TRPM3: variants seen among roughly 807,000 people sequenced by gnomAD.
TRPM3 encodes the protein transient receptor potential cation channel subfamily M member 3, also known as long transient receptor potential channel 3.
TRPM3 carries 77 observed loss-of-function variants against 181.2 expected under a neutral mutation model. The ratio of observed to expected loss-of-function variants is 0.42; its 90% CI spans 0.35 to 0.51. The LOEUF is 0.51. TRPM3 is among the 20% of genes least tolerant of loss of function. The pLI is 0.01. For synonymous variants in TRPM3, 745 were observed against 796.4 expected (o/e 0.94, Z 1.09); for missense variants, 1,759 against 2,196.7 (o/e 0.80, Z 3.98).
intron 1 of TRPM3, among the ~76,000 whole-genome samples, chr9:71,135,877 ATTAT>A (rs1277561413): frequency 6.6e-6 from 1 of 152,214 alleles, no homozygotes; most frequent in East Asian, 1.9e-4. Context: ...AAATACAAAC[ATTAT>A]TTATTGTTTG....
Position 71,299,978 on chromosome 9 carries a change from A to G in TRPM3, c.183+146675T>C, listed in dbSNP as rs563055609. Among the ~76,000 whole-genome samples the G allele has an allele frequency of 7.9e-5, 12 of 152,244 alleles. No individual in the cohort carries two copies. In the South Asian group the frequency reaches 2.5e-3, roughly 32 times the overall value. On this transcript the variant is annotated intron_variant, in intron 1 of 24. Coordinates refer to the TRPM3 transcript ENST00000357533. Reference sequence around the variant, plus strand: ...GGAGGTCTTTCTAGGAAAGTCTAGTAAAGTTAGCTAGGAGCTGTCTCATCT... The same window carrying G: ...GGAGGTCTTTCTAGGAAAGTCTAGTGAAGTTAGCTAGGAGCTGTCTCATCT...
chr9:70,792,800 C>T (rs921464495), intron 6 of TRPM3, among the ~76,000 whole-genome samples: 3 of 151,958 alleles, frequency 2.0e-5, no homozygotes, highest in Admixed American at 6.6e-5. Context: ...TGCGTAAAGG[C>T]TACATAGTAA....
intron 1 of TRPM3, among the ~76,000 whole-genome samples, chr9:70,916,734 G>A (rs2096598787): frequency 6.6e-6 from 1 of 152,042 alleles, no homozygotes; most frequent in African/African-American, 2.4e-5. Context: ...CCATAAATAG[G>A]AAATAAGAAA....
intron 1 of TRPM3, among the ~76,000 whole-genome samples, chr9:71,171,726 C>T (rs902101217): frequency 1.2e-4 from 18 of 152,152 alleles, no homozygotes; most frequent in Admixed American, 5.9e-4. Flanking sequence ...GGCTGCTATA[C>T]ACCATTACTC....
intron 1 of TRPM3, among the ~76,000 whole-genome samples, chr9:71,278,313 C>A (rs2084384840): frequency 6.6e-6 from 1 of 152,168 alleles, no homozygotes; most frequent in Admixed American, 6.5e-5. Context: ...CAAAGAAGCA[C>A]AGAACATTAG....
chr9:70,542,727 C>A (rs189456371), intron 25 of TRPM3, among the ~76,000 whole-genome samples: 2 of 152,130 alleles, frequency 1.3e-5, no homozygotes, highest in Non-Finnish European at 2.9e-5. Flanking sequence ...GCAGGCCATG[C>A]CTATTCTAAA....
chr9:70,888,850 T>G (rs1645440368), intron 1 of TRPM3, among the ~76,000 whole-genome samples: 1 of 152,204 alleles, frequency 6.6e-6, no homozygotes, highest in African/African-American at 2.4e-5. Context: ...TGATCAAACC[T>G]GGAAGATTAG....
chr9:71,394,541 G>A (rs979844909), intron 1 of TRPM3, among the ~76,000 whole-genome samples: 13 of 152,116 alleles, frequency 8.5e-5, no homozygotes, highest in Admixed American at 2.6e-4. Context: ...TCTTTTCCCT[G>A]CACAGGCATA....
At chr9:70,872,702 T>C (rs2095808683) in intron 1 of TRPM3, among the ~76,000 whole-genome samples, 1 of 151,896 alleles carries the variant, frequency 6.6e-6, no homozygotes, top group Admixed American at 6.6e-5. Context: ...ACTAGATAAG[T>C]GGACAAACTG....
At chr9:70,896,206 A>T (rs202049572) in intron 1 of TRPM3, among the ~76,000 whole-genome samples, 1 of 152,148 alleles carries the variant, frequency 6.6e-6, no homozygotes, top group East Asian at 1.9e-4. Flanking sequence ...GGCTGTTGTT[A>T]TTTATTATAT....
Position 70,534,265 on chromosome 9 carries a change from G to C in TRPM3, c.*1688C>G, listed in dbSNP as rs1387053747. ...ACTAAATGAGATGTCCTGATAGTGA[G>C]TGATTTCAGACAAAAAAGGGCAGAA... On this transcript the variant is annotated 3_prime_UTR_variant, in exon 26 of 26. Transcript: ENST00000677713. 6.6e-6 allele frequency: 1 copy of C among 152,182 alleles called. No homozygotes were observed. The highest frequency in any genetic ancestry group is 1.5e-5 in the Non-Finnish European group (1 of 68,026). The allele number at this position is 152,182 out of a possible 1,614,324, so 9.4% of individuals were successfully genotyped here.
intron 1 of TRPM3, among the ~76,000 whole-genome samples, chr9:70,986,531 A>G (rs1235146248): frequency 1.3e-5 from 2 of 152,218 alleles, no homozygotes; most frequent in Non-Finnish European, 2.9e-5. Context: ...TAAGTCAAGC[A>G]GACAGTTCCC....
chr9:71,196,951 G>A (rs1448845015), intron 1 of TRPM3, among the ~76,000 whole-genome samples: 3 of 65,158 alleles, frequency 4.6e-5, no homozygotes, highest in Non-Finnish European at 6.0e-5. Flanking sequence ...CATGTGCCAT[G>A]CTGGTGTGCT....
At chr9:71,230,016 G>A (rs1012977158) in intron 1 of TRPM3, among the ~76,000 whole-genome samples, 6 of 152,098 alleles carry the variant, frequency 3.9e-5, no homozygotes, top group South Asian at 2.1e-4. Context: ...CCAAGATTTA[G>A]AAGCAACCTG....
At chr9:71,207,510 C>A (rs912617096) in intron 1 of TRPM3, among the ~76,000 whole-genome samples, 1 of 152,080 alleles carries the variant, frequency 6.6e-6, no homozygotes, top group African/African-American at 2.4e-5. Context: ...TCAAATTGGT[C>A]ATTATCTCCT....
intron 1 of TRPM3, among the ~76,000 whole-genome samples, chr9:71,374,441 A>G (rs932818109): frequency 6.6e-6 from 1 of 152,128 alleles, no homozygotes; most frequent in Admixed American, 6.6e-5. Context: ...TTAAGAGATT[A>G]TACCTCAAAG....
chr9:71,061,064 C>T (rs988822449), intron 1 of TRPM3, among the ~76,000 whole-genome samples: 4 of 151,958 alleles, frequency 2.6e-5, no homozygotes, highest in Admixed American at 2.0e-4. Context: ...TAACAAGTGT[C>T]GGCCAGGGTG....
Position 70,921,942 on chromosome 9 carries a change from A to ACACACACACAC in TRPM3, c.178-57432_178-57431insGTGTGTGTGTG, listed in dbSNP as rs1554770509. Among the ~76,000 whole-genome samples, 545 of 139,482 alleles carry ACACACACACAC rather than the reference A, an allele frequency of 3.9e-3. 1 individual carries two copies. The highest frequency in any genetic ancestry group is 9.1e-3 in the African/African-American group (333 of 36,740). The allele number at this position is 139,482 out of a possible 152,430, so 91.5% of individuals were successfully genotyped here. A position where few individuals can be genotyped will look rare whatever the true frequency, so the allele number is the denominator to read the frequency against. On this transcript the variant is annotated intron_variant, in intron 1 of 25. Transcript: ENST00000677713. Reference sequence around the variant, plus strand: ...ATACACACACACACACACACAAACAAACACACACACACACACACACACACA... The same window carrying ACACACACACAC: ...ATACACACACACACACACACAAACAACACACACACACACACACACACACACACACACACACA...
At chr9:71,404,214 G>A (rs1376901885) in intron 1 of TRPM3, among the ~76,000 whole-genome samples, 2 of 152,156 alleles carry the variant, frequency 1.3e-5, no homozygotes, top group African/African-American at 4.8e-5. Flanking sequence ...ATAAGTAGCA[G>A]CTCAATAATA....
Sources: gnomAD v4.1 joint callset for allele counts (sites outside exome capture counted in the v4.1 genomes callset) on GRCh38, gnomAD v4.1.1 for gene constraint, MANE v1.5 for transcripts, NCBI Gene and HGNC (gene_info 2026-07-23, HGNC 2026-07-21) for gene names.